Variants in MED13L observed in about 807,000 individuals in gnomAD.
MED13L encodes the protein mediator complex subunit 13L.
In MED13L, 7 loss-of-function variants were observed where a neutral mutation model predicts 220.9. The observed-to-expected ratio is 0.03, with a 90% CI of 0.02 to 0.06. The LOEUF is 0.06. MED13L is among the 10% of genes least tolerant of loss of function. The pLI is 1.00. For missense variants in MED13L, 1,965 were observed against 2,760.5 expected (o/e 0.71, Z 6.46); for synonymous variants, 1,011 against 1,015.2 (o/e 1.00, Z 0.08).
chr12:115,973,396 A>C (rs1565986473), intron 25 of MED13L, among the ~76,000 whole-genome samples: 2 of 152,226 alleles, frequency 1.3e-5, no homozygotes, highest in Non-Finnish European at 2.9e-5. Context: ...TTTCCTGTAC[A>C]CTAGGTTCTT....
chr12:116,151,891 T>C (rs972567428), intron 2 of MED13L, among the ~76,000 whole-genome samples: 4 of 152,212 alleles, frequency 2.6e-5, no homozygotes, highest in Non-Finnish European at 5.9e-5. Context: ...CACCTTTATA[T>C]TTCTGTATGT....
intron 4 of MED13L, among the ~76,000 whole-genome samples, chr12:116,043,754 T>C (rs897792585): frequency 6.6e-6 from 1 of 152,188 alleles, no homozygotes; most frequent in Admixed American, 6.5e-5. Context: ...CCCTACGCAC[T>C]GGCAGATTCT....
At chr12:116,176,876 C>CAAAA (rs11285058) in intron 2 of MED13L, among the ~76,000 whole-genome samples, 2 of 74,226 alleles carry the variant, frequency 2.7e-5, no homozygotes, top group African/African-American at 1.1e-4. Context: ...AGAACTCAGC[C>CAAAA]AAAAAAAAAA....
chr12:116,040,246 C>G (rs1159869639), intron 4 of MED13L, among the ~76,000 whole-genome samples: 1 of 152,158 alleles, frequency 6.6e-6, no homozygotes, highest in Non-Finnish European at 1.5e-5. Flanking sequence ...TTAGCTGAAT[C>G]AAACTAATCC....
chr12:116,203,138 T>C (rs1411797874), intron 2 of MED13L, among the ~76,000 whole-genome samples: 1 of 152,174 alleles, frequency 6.6e-6, no homozygotes, highest in African/African-American at 2.4e-5. Flanking sequence ...CTCTCGAGTT[T>C]CATCAAAGTG....
At chr12:116,074,176 G>A (rs533499638) in intron 4 of MED13L, among the ~76,000 whole-genome samples, 1 of 152,320 alleles carries the variant, frequency 6.6e-6, no homozygotes, top group African/African-American at 2.4e-5. Flanking sequence ...AAGTGGATCA[G>A]GAGAGCTCAG....
intron 4 of MED13L, among the ~76,000 whole-genome samples, chr12:116,059,025 T>C (rs977455377): frequency 3.9e-5 from 6 of 152,234 alleles, no homozygotes; most frequent in African/African-American, 1.2e-4. Flanking sequence ...ATAGATTTAA[T>C]GGAATGAAAG....
chr12:116,199,088 GTTC>G (rs1881838656), intron 2 of MED13L, among the ~76,000 whole-genome samples: 1 of 152,146 alleles, frequency 6.6e-6, no homozygotes. Context: ...AAGTTACCAT[GTTC>G]TTATTTGCTT....
intron 2 of MED13L, among the ~76,000 whole-genome samples, chr12:116,117,816 T>C (rs1593064032): frequency 1.3e-5 from 2 of 152,316 alleles, no homozygotes; most frequent in East Asian, 3.9e-4. Context: ...AGGCATTTTT[T>C]TAATTTTTTG....
intron 2 of MED13L, among the ~76,000 whole-genome samples, chr12:116,224,080 G>A (rs1366349372): frequency 6.6e-6 from 1 of 152,116 alleles, no homozygotes; most frequent in Non-Finnish European, 1.5e-5. Context: ...TTACAATGAT[G>A]GGCAAAAGTC....
chr12:116,148,623 A>G (rs759190308), intron 2 of MED13L: 1 of 202,694 alleles, frequency 4.9e-6, no homozygotes, highest in African/African-American at 2.4e-5. Flanking sequence ...ATATATATAT[A>G]TATATATACG....
intron 2 of MED13L, among the ~76,000 whole-genome samples, chr12:116,152,337 TC>T (rs1878101787): frequency 6.6e-6 from 1 of 152,250 alleles, no homozygotes; most frequent in Non-Finnish European, 1.5e-5. Context: ...AGCCAATGGT[TC>T]ATATCCTGCT....
chr12:115,971,362 A>C (rs1384062755), intron 26 of MED13L, among the ~76,000 whole-genome samples: 5 of 152,234 alleles, frequency 3.3e-5, no homozygotes, highest in Non-Finnish European at 2.9e-5. Context: ...TCTGTCTCTC[A>C]CTGGATTGAT....
In MED13L at chr12:116,237,624, G is replaced by C; in HGVS notation, c.154C>G (p.Gln52Glu). ...AAACTTAACAGAATTGGATCATCTTGGGCTGGGGCTGAAATTATGGGTCCA... is the reference window on the plus strand; with the variant it reads ...AAACTTAACAGAATTGGATCATCTTCGGCTGGGGCTGAAATTATGGGTCCA... ...DCGPIISAPAQDDPILLSFIR... is the reference protein window; with the variant it reads ...DCGPIISAPAEDDPILLSFIR... Residue 52 changes from glutamine to glutamate, a missense_variant, in exon 2 of 31, where the codon CAA becomes GAA. Transcript: ENST00000281928. 1 of 1,614,154 alleles carries C rather than the reference G, an allele frequency of 6.2e-7. No homozygotes were observed. The highest frequency in any genetic ancestry group is 8.5e-7 in the Non-Finnish European group (1 of 1,180,026).
Position 116,114,658 on chromosome 12 carries a change from G to A in MED13L, c.311-3146C>T, listed in dbSNP as rs533397511. Among the ~76,000 whole-genome samples the A allele has an allele frequency of 4.7e-3, 719 of 152,188 alleles. 4 individuals are homozygous for A. The highest frequency in any genetic ancestry group is 0.017 in the African/African-American group (691 of 41,526). On this transcript the variant is annotated intron_variant, in intron 2 of 30. Coordinates refer to ENST00000281928, the MANE Select transcript of MED13L (RefSeq NM_015335.5). ...TCCAATACAATAGGGCAAGAAAGAA[G>A]AAATAATCGTCTCTATTTACATATG...
intron 25 of MED13L, among the ~76,000 whole-genome samples, chr12:115,973,686 C>G (rs2137235917): frequency 6.6e-6 from 1 of 152,128 alleles, no homozygotes; most frequent in East Asian, 1.9e-4. Flanking sequence ...AAAAAGCAGA[C>G]TGGGGAGGAA....
At chr12:116,090,799 T>C (rs1872134804) in intron 4 of MED13L, among the ~76,000 whole-genome samples, 1 of 152,170 alleles carries the variant, frequency 6.6e-6, no homozygotes. Flanking sequence ...ATTACAATAA[T>C]GGTATTCTCT....
At position 115,982,479 on chromosome 12, in the gene MED13L, T is replaced by A; in HGVS notation, c.5080A>T (p.Thr1694Ser). Residue 1694 changes from threonine to serine, a missense_variant, in exon 22 of 31, where the codon ACT (threonine) becomes TCT (serine). Thr to Ser is a moderately conservative substitution (Grantham distance 58, BLOSUM62 1). This residue lies in a region of MED13L where 510 missense variants were observed against 620.4 expected (regional missense o/e 0.82). Coordinates refer to ENST00000281928, the MANE Select transcript of MED13L (RefSeq NM_015335.5). ...PFTYAAEEDS[T>S]SGNFWLLSLM... The stretch of plus-strand genomic sequence containing the variant: ...CTCAACAGCCAAAAGTTCCCAGAAG[T>A]GGAGTCCTCCTCTGCAGCATACGTG... 1 of 1,614,202 alleles carries A rather than the reference T, an allele frequency of 6.2e-7. No individual in the cohort carries two copies. Among genetic ancestry groups the A allele is most frequent in the Non-Finnish European group, 8.5e-7 (1 of 1,180,010 alleles).
intron 28 of MED13L, among the ~76,000 whole-genome samples, chr12:115,967,038 G>GT (rs1876214967): frequency 6.6e-6 from 1 of 151,878 alleles, no homozygotes; most frequent in African/African-American, 2.4e-5. Flanking sequence ...AGGCACAGTA[G>GT]TGCACGCCTG....
Sources: allele counts gnomAD v4.1 joint callset (sites outside exome capture counted in the v4.1 genomes callset), GRCh38; gene constraint gnomAD v4.1.1; regional missense constraint gnomAD v4.1.1; transcripts MANE v1.5; gene names NCBI Gene and HGNC (gene_info 2026-07-23, HGNC 2026-07-21).